Variants in GRM8 observed in about 807,000 individuals in gnomAD.
GRM8 encodes metabotropic glutamate receptor 8.
GRM8 carries 47 observed loss-of-function variants against 87.2 expected under a neutral mutation model. The ratio of observed to expected loss-of-function variants is 0.54; its 90% CI spans 0.43 to 0.69. GRM8 has a LOEUF of 0.69. Among genes scored for constraint, GRM8 ranks in the 30% least tolerant of loss-of-function variants. The probability of loss-of-function intolerance (pLI) is 0.00; values close to 1 mark genes in which losing one functional copy is unlikely to be tolerated. For missense variants in GRM8, 1,019 were observed against 1,139.2 expected, an observed-to-expected ratio of 0.89 and a Z score of 1.52; for synonymous variants, 396 against 404.5, an observed-to-expected ratio of 0.98 and a Z score of 0.25.
At chr7:126,511,688 C>T (rs1299764440) in intron 9 of GRM8, 2 of 152,088 alleles carry the variant, frequency 1.3e-5, no homozygotes, top group East Asian at 1.9e-4. Context: ...CCAAGGCATG[C>T]ACCAATGTAA....
At chr7:126,635,670 C>T (rs1429477540) in intron 7 of GRM8, among the ~76,000 whole-genome samples, 1 of 152,040 alleles carries the variant, frequency 6.6e-6, no homozygotes, top group Non-Finnish European at 1.5e-5. Flanking sequence ...TGGTACATTA[C>T]TGGAATTAGC....
At chr7:126,710,196 A>C (rs777723699) in intron 7 of GRM8, among the ~76,000 whole-genome samples, 18 of 152,220 alleles carry the variant, frequency 1.2e-4, no homozygotes, top group Non-Finnish European at 1.8e-4. Context: ...TCTTTTGGCT[A>C]GTGGAGGGTC....
chr7:126,855,137 A>T (rs1797558954), intron 6 of GRM8, among the ~76,000 whole-genome samples: 1 of 152,196 alleles, frequency 6.6e-6, no homozygotes, highest in Non-Finnish European at 1.5e-5. Context: ...GATGTAGACC[A>T]TAACCTTAAG....
At chr7:126,672,575 A>G (rs1196906566) in intron 7 of GRM8, among the ~76,000 whole-genome samples, 1 of 152,162 alleles carries the variant, frequency 6.6e-6, no homozygotes, top group African/African-American at 2.4e-5. Flanking sequence ...GGAAAAGTTA[A>G]TTTTCCAAAC....
intron 7 of GRM8, among the ~76,000 whole-genome samples, chr7:126,712,174 G>C (rs1811171800): frequency 6.6e-6 from 1 of 152,078 alleles, no homozygotes; most frequent in African/African-American, 2.4e-5. Flanking sequence ...TCATTGTAGG[G>C]TTATTAATTA....
chr7:127,217,987 G>T (rs994154683), intron 2 of GRM8, among the ~76,000 whole-genome samples: 1 of 152,184 alleles, frequency 6.6e-6, no homozygotes, highest in African/African-American at 2.4e-5. Context: ...GCAGGTGACT[G>T]GGTCCAACCA....
intron 7 of GRM8, among the ~76,000 whole-genome samples, chr7:126,639,727 A>T (rs1051843004): frequency 3.3e-5 from 5 of 152,218 alleles, no homozygotes; most frequent in Admixed American, 3.3e-4. Flanking sequence ...TATTGGGATT[A>T]ATACTGATCA....
chr7:126,445,995 C>T (rs577950762), intron 10 of GRM8, 131 bp downstream of exon 10: 35 of 1,029,808 alleles, frequency 3.4e-5, no homozygotes, highest in East Asian at 7.2e-5. Flanking sequence ...GATGGTGTCA[C>T]GGTATGTGAG....
intron 3 of GRM8, among the ~76,000 whole-genome samples, chr7:126,941,936 A>C (rs1806989777): frequency 6.6e-6 from 1 of 152,220 alleles, no homozygotes; most frequent in Admixed American, 6.5e-5. Flanking sequence ...TTCTTTAAAC[A>C]ACAAAAATTG....
intron 3 of GRM8, among the ~76,000 whole-genome samples, chr7:127,078,465 C>G (rs1822517655): frequency 6.6e-6 from 1 of 152,234 alleles, no homozygotes; most frequent in South Asian, 2.1e-4. Flanking sequence ...TCAAGCCTGA[C>G]AGAAGAGTGG....
intron 3 of GRM8, among the ~76,000 whole-genome samples, chr7:127,017,809 G>T (rs1815836670): frequency 6.6e-6 from 1 of 151,904 alleles, no homozygotes; most frequent in South Asian, 2.1e-4. Context: ...CAGAAAAATA[G>T]AAATATAAAT....
intron 3 of GRM8, among the ~76,000 whole-genome samples, chr7:127,015,070 A>AAGAG (rs1563413684): frequency 1.1e-5 from 1 of 93,436 alleles, no homozygotes; most frequent in African/African-American, 3.3e-5. Flanking sequence ...AGAAGAAGAA[A>AAGAG]GAAAGAAGGA....
intron 6 of GRM8, among the ~76,000 whole-genome samples, chr7:126,804,774 G>T (rs1563203193): frequency 6.6e-6 from 1 of 152,166 alleles, no homozygotes; most frequent in Non-Finnish European, 1.5e-5. Flanking sequence ...TATAACAAAG[G>T]ATATGAGATG....
intron 9 of GRM8, among the ~76,000 whole-genome samples, chr7:126,483,666 G>T (rs186003621): frequency 6.9e-6 from 1 of 145,254 alleles, no homozygotes. Flanking sequence ...GACTTGAGCA[G>T]CAGTCACTAC....
At chr7:126,971,180 A>AC (rs1810385708) in intron 3 of GRM8, among the ~76,000 whole-genome samples, 1 of 133,122 alleles carries the variant, frequency 7.5e-6, no homozygotes, top group African/African-American at 2.8e-5. Flanking sequence ...AAAAAAAAAA[A>AC]AAAACACTAT....
intron 9 of GRM8, among the ~76,000 whole-genome samples, chr7:126,484,607 T>C (rs1807134981): frequency 6.6e-6 from 1 of 151,754 alleles, no homozygotes; most frequent in African/African-American, 2.4e-5. Context: ...TTTTACTTAC[T>C]ACTACTTTAC....
chr7:126,795,038 T>C (rs950422735), intron 6 of GRM8, among the ~76,000 whole-genome samples: 2 of 152,220 alleles, frequency 1.3e-5, no homozygotes, highest in Admixed American at 6.5e-5. Context: ...AACATGCTTA[T>C]AGTAACAAAA....
intron 7 of GRM8, among the ~76,000 whole-genome samples, chr7:126,754,740 T>A (rs1816813291): frequency 6.6e-6 from 1 of 151,966 alleles, no homozygotes; most frequent in African/African-American, 2.4e-5. Context: ...GTTGTTATTA[T>A]AAATTCACTT....
At chr7:127,112,225 C>T (rs529273608) in intron 2 of GRM8, 2 of 152,346 alleles carry the variant, frequency 1.3e-5, no homozygotes, top group Admixed American at 6.5e-5. Flanking sequence ...ATACATATCA[C>T]CACAAACATT....
Sources: allele counts gnomAD v4.1 joint callset (sites outside exome capture counted in the v4.1 genomes callset), GRCh38; gene constraint gnomAD v4.1.1; transcripts MANE v1.5; gene names NCBI Gene and HGNC (gene_info 2026-07-23, HGNC 2026-07-21).